Variants in CYP3A43 observed in about 807,000 individuals in gnomAD.
CYP3A43 encodes the protein cytochrome P450 3A43.
A neutral mutation model predicts 58.0 loss-of-function variants in CYP3A43; 45 were observed. That is an observed-to-expected ratio of 0.78 (90% CI 0.61 to 0.99). The LOEUF is 0.99. Among genes scored for constraint, CYP3A43 ranks in the 50% least tolerant of loss-of-function variants. The probability of loss-of-function intolerance (pLI) is 0.00; values close to 1 mark genes in which losing one functional copy is unlikely to be tolerated. For synonymous variants in CYP3A43, 191 were observed against 201.4 expected, an observed-to-expected ratio of 0.95 and a Z score of 0.44; for missense variants, 593 against 591.9, an observed-to-expected ratio of 1.00 and a Z score of -0.02.
At position 99,836,552 on chromosome 7, in the gene CYP3A43, T is replaced by A; in HGVS notation, c.165+6T>A. On this transcript the variant is annotated splice_donor_region_variant and intron_variant, in intron 2 of 12. Coordinates refer to ENST00000354829, the MANE Select transcript of CYP3A43 (RefSeq NM_057095.3). ...CTATTTTGTTCTACCTTAGGGTAAG[T>A]GTTATTTGAGCTCCCTCTTTTGCTT... The A allele has an allele frequency of 6.4e-7, 1 of 1,568,004 alleles. No homozygotes were observed. The highest frequency in any genetic ancestry group is 8.6e-7 in the Non-Finnish European group (1 of 1,163,422).
chr7:99,845,837 A>G (rs1476814867), intron 4 of CYP3A43, among the ~76,000 whole-genome samples: 1 of 150,266 alleles, frequency 6.7e-6, no homozygotes, highest in African/African-American at 2.4e-5. Context: ...GTGCAGTGGC[A>G]TGATCTCGGC....
chr7:99,852,521 G>A (rs1817800327), intron 7 of CYP3A43, among the ~76,000 whole-genome samples: 1 of 152,084 alleles, frequency 6.6e-6, no homozygotes, highest in Non-Finnish European at 1.5e-5. Flanking sequence ...TTTTGTTAAT[G>A]TTATTCCTGA....
rs369950499 is a variant in CYP3A43 at position 99,865,793 on chromosome 7, GT to G, written c.1417-104del. ...ACCAACATGTATGGTGCTGAAAGTA[GT>G]TTTTTTTTAGTCATTGCAAAGCATT... On this transcript the variant is annotated intron_variant, in intron 12 of 12. Transcript: ENST00000354829. The G allele has an allele frequency of 4.4e-4, 281 of 645,360 alleles. 3 individuals are homozygous for G. The highest frequency in any genetic ancestry group is 6.3e-4 in the Middle Eastern group (2 of 3,176). The allele number at this position is 645,360 out of a possible 1,614,324, so 40.0% of individuals were successfully genotyped here. A position where few individuals can be genotyped will look rare whatever the true frequency, so the allele number is the denominator to read the frequency against.
chr7:99,829,217 T>C (rs1816744004), intron 1 of CYP3A43, among the ~76,000 whole-genome samples: 1 of 152,194 alleles, frequency 6.6e-6, no homozygotes, highest in Admixed American at 6.5e-5. Context: ...AGCCCATTCA[T>C]CAAGACAGGG....
chr7:99,857,664 G>A lies in CYP3A43; in HGVS notation c.865+765G>A, dbSNP rs512649. 3.6e-3 allele frequency among the ~76,000 whole-genome samples: 549 copies of A among 152,164 alleles called. 3 individuals carry two copies. The highest frequency in any genetic ancestry group is 0.012 in the African/African-American group (496 of 41,514). The stretch of plus-strand genomic sequence containing the variant: ...TCGAGACCAGCCTGGCCAACATGGC[G>A]AAACCCTGTCTCTACTAAAAATACA... On this transcript the variant is annotated intron_variant, in intron 9 of 12. Transcript: ENST00000354829.
intron 1 of CYP3A43, among the ~76,000 whole-genome samples, chr7:99,832,299 A>C (rs1328993296): frequency 3.3e-5 from 5 of 152,084 alleles, no homozygotes; most frequent in African/African-American, 9.6e-5. Context: ...GTCCCCAGCC[A>C]AATCTCATCT....
chr7:99,847,355 G>A, intron 4 of CYP3A43, 133 bp from the exon 5 acceptor site: 5 of 822,002 alleles, frequency 6.1e-6, no homozygotes, highest in South Asian at 1.8e-5. Flanking sequence ...TGAGCATCTA[G>A]TATAGAGCCT....
intron 10 of CYP3A43, 150 bp from the exon 11 acceptor site, chr7:99,861,463 G>T: frequency 1.4e-6 from 1 of 714,106 alleles, no homozygotes. Context: ...ACTGGGTATG[G>T]AGAATTATTA....
intron 8 of CYP3A43, 114 bp from the exon 9 acceptor site, chr7:99,856,719 T>C: frequency 9.2e-7 from 1 of 1,081,324 alleles, no homozygotes; most frequent in Non-Finnish European, 1.4e-6. Context: ...CCCATTACAC[T>C]TCTGAACTTA....
At chr7:99,841,031 A>G (rs374178358) in intron 3 of CYP3A43, among the ~76,000 whole-genome samples, 2 of 152,026 alleles carry the variant, frequency 1.3e-5, no homozygotes, top group African/African-American at 4.8e-5. Context: ...CCTTTCTGGG[A>G]GTTTTTACTT....
At position 99,853,293 on chromosome 7, in the gene CYP3A43, T is replaced by G. The variant is rs542268078; in HGVS notation, c.671-2298T>G. 3.0e-4 allele frequency among the ~76,000 whole-genome samples: 46 copies of G among 152,354 alleles called. No individual in the cohort carries two copies. In the South Asian group the frequency reaches 4.8e-3, roughly 16 times the overall value. The stretch of plus-strand genomic sequence containing the variant: ...TTATATGTTATAGATCTATTCAGAT[T>G]GTCTGTTTCTTTCCAACTCAGTTTC... On this transcript the variant is annotated intron_variant, in intron 7 of 12. Transcript: ENST00000354829.
chr7:99,856,222 A>G (rs1171163991), intron 8 of CYP3A43, among the ~76,000 whole-genome samples: 1 of 152,208 alleles, frequency 6.6e-6, no homozygotes, highest in African/African-American at 2.4e-5. Flanking sequence ...CATAGCCTGG[A>G]CTGGGCAGGG....
At chr7:99,841,852 C>T (rs1216464671) in intron 3 of CYP3A43, among the ~76,000 whole-genome samples, 3 of 152,168 alleles carry the variant, frequency 2.0e-5, no homozygotes, top group Non-Finnish European at 4.4e-5. Context: ...CAGAACTTCC[C>T]TTGTCTAAAT....
At chr7:99,865,741 C>A (rs779498536) in intron 12 of CYP3A43, among the ~76,000 whole-genome samples, 165 bp from the exon 13 acceptor site, 1 of 148,718 alleles carries the variant, frequency 6.7e-6, no homozygotes, top group Non-Finnish European at 1.5e-5. Flanking sequence ...CCAATCTTCA[C>A]AGAGCTAACT....
intron 3 of CYP3A43, among the ~76,000 whole-genome samples, chr7:99,843,454 A>G (rs1584212061): frequency 1.3e-5 from 2 of 152,134 alleles, no homozygotes; most frequent in East Asian, 1.9e-4. Flanking sequence ...AGAGGATTAC[A>G]TAACTGTTTA....
chr7:99,849,733 TC>T, intron 7 of CYP3A43, 39 bp downstream of exon 7: 1 of 1,517,884 alleles, frequency 6.6e-7, no homozygotes, highest in South Asian at 1.3e-5. Flanking sequence ...TCTCTCTCTC[TC>T]TCATCTAATT....
At position 99,836,506 on chromosome 7, in the gene CYP3A43, C is replaced by A. The variant is rs1043237537; in HGVS notation, c.125C>A (p.Thr42Asn). 1 of 1,606,782 alleles carries A rather than the reference C, an allele frequency of 6.2e-7. No homozygotes were observed. Among genetic ancestry groups the A allele is most frequent in the Non-Finnish European group, 8.5e-7 (1 of 1,178,326 alleles). Reference protein sequence around the residue: ...LFKKLGIPGPTPLPFLGTILF... With the variant: ...LFKKLGIPGPNPLPFLGTILF... ...AAGAAGCTGGGAATTCCTGGGCCAA[C>A]CCCTCTGCCTTTTCTGGGAACTATT... is the stretch of plus-strand genomic sequence containing the variant. The change falls in exon 2 of 13, where the codon ACC becomes AAC. Residue 42 changes from threonine to asparagine, a missense_variant. Coordinates refer to ENST00000354829, the MANE Select transcript of CYP3A43 (RefSeq NM_057095.3).
In CYP3A43 at chr7:99,849,626, A is replaced by C; in HGVS notation, c.602A>C (p.Asp201Ala). Reference protein sequence around the residue: ...VNLDSLNNPQDPFLKNMKKLL... With the variant: ...VNLDSLNNPQAPFLKNMKKLL... ...TTGGATTCTCTCAACAATCCACAAG[A>C]TCCCTTTCTGAAAAATATGAAGAAG... is the stretch of plus-strand genomic sequence containing the variant. Residue 201 changes from aspartate to alanine, a missense_variant, in exon 7 of 13, where the codon GAT (aspartate) becomes GCT (alanine). By Grantham distance (126) the Asp-to-Ala change is moderately radical. Coordinates refer to ENST00000354829, the MANE Select transcript of CYP3A43 (RefSeq NM_057095.3). 1 of 1,613,022 alleles carries C rather than the reference A, an allele frequency of 6.2e-7. No individual in the cohort carries two copies. The highest frequency in any genetic ancestry group is 1.3e-5 in the African/African-American group (1 of 74,872).
In CYP3A43 at chr7:99,865,955, T is replaced by C. The variant is rs1268514351; in HGVS notation, c.1466T>C (p.Ile489Thr). The C allele has an allele frequency of 1.9e-6, 3 of 1,608,898 alleles. No individual in the cohort carries two copies. The highest frequency in any genetic ancestry group is 2.7e-5 in the African/African-American group (2 of 74,716). The change falls in exon 13 of 13, where the codon ATT (isoleucine) becomes ACT (threonine). Residue 489 changes from isoleucine to threonine, a missense_variant. Ile to Thr is a moderately conservative substitution (Grantham distance 89, BLOSUM62 -1). Coordinates refer to ENST00000354829, the MANE Select transcript of CYP3A43 (RefSeq NM_057095.3). Reference sequence around the variant, plus strand: ...CCAATTCTTCAACCAGAAAAACCTATTGTTCTAAAAGTGCACTTAAGAGAT... The same window carrying C: ...CCAATTCTTCAACCAGAAAAACCTACTGTTCTAAAAGTGCACTTAAGAGAT... ...NLPILQPEKP[I>T]VLKVHLRDGI...
Sources: gnomAD v4.1 joint callset for allele counts (sites outside exome capture counted in the v4.1 genomes callset) on GRCh38, gnomAD v4.1.1 for gene constraint, MANE v1.5 for transcripts, NCBI Gene and HGNC (gene_info 2026-07-23, HGNC 2026-07-21) for gene names.